The following RBFOX3 variants were observed in gnomAD, a reference collection of about 807,000 sequenced individuals.
RBFOX3 encodes the protein RNA binding fox-1 homolog 3.
RBFOX3 carries 17 observed loss-of-function variants against 48.7 expected under a neutral mutation model. The observed-to-expected ratio is 0.35, with a 90% CI of 0.24 to 0.52. The LOEUF (loss-of-function observed/expected upper bound fraction) is 0.52. RBFOX3 is among the 20% of genes least tolerant of loss of function. The probability of loss-of-function intolerance (pLI) is 0.94; values close to 1 mark genes in which losing one functional copy is unlikely to be tolerated. For missense variants in RBFOX3, 382 were observed against 497.5 expected (o/e 0.77, Z 2.21); for synonymous variants, 212 against 209.5 (o/e 1.01, Z -0.10).
rs371568555 is a variant in RBFOX3, at chr17:79,476,998, C to T, written c.-175+5456G>A. ...CTGTAACCCCAGCACTTTGGGAGGCCTAGGTGGGTGGATCACTTGAGGTCA... is the reference window on the plus strand; with the variant it reads ...CTGTAACCCCAGCACTTTGGGAGGCTTAGGTGGGTGGATCACTTGAGGTCA... On this transcript the variant is annotated intron_variant, in intron 2 of 14. Coordinates refer to ENST00000693108, the MANE Select transcript of RBFOX3 (RefSeq NM_001350451.2). Among the ~76,000 whole-genome samples the T allele has an allele frequency of 3.9e-5, 6 of 152,018 alleles. No homozygotes were observed. In the East Asian group the frequency reaches 5.8e-4, roughly 15 times the overall value.
Position 79,423,372 on chromosome 17 carries a change from C to T in RBFOX3, c.-175+59082G>A, listed in dbSNP as rs1017101415. On this transcript the variant is annotated intron_variant, in intron 2 of 14. Coordinates refer to ENST00000693108, the MANE Select transcript of RBFOX3 (RefSeq NM_001350451.2). The surrounding 1 kb of genome is among the most constrained non-coding windows in gnomAD (Gnocchi z 4.9). ...CTTGTGCAGATCCTGCCGCACAGAC[C>T]CCAACCCTACCTCCAGTGTGGTCCG... is the stretch of plus-strand genomic sequence containing the variant. 4.6e-5 allele frequency among the ~76,000 whole-genome samples: 7 copies of T among 152,134 alleles called. No individual in the cohort carries two copies. Among genetic ancestry groups the T allele is most frequent in the African/African-American group, 1.4e-4 (6 of 41,416 alleles).
the RBFOX3 span, among the ~76,000 whole-genome samples, chr17:79,619,438 G>T: frequency 6.6e-6 from 1 of 152,174 alleles, no homozygotes; most frequent in African/African-American, 2.4e-5. Context: ...GCAATCCCAG[G>T]TACTCCGGGG....
At chr17:79,552,624 T>C (rs1156281967) in intron 1 of RBFOX3, among the ~76,000 whole-genome samples, 17 of 152,188 alleles carry the variant, frequency 1.1e-4, no homozygotes, top group African/African-American at 4.1e-4. Context: ...TCTTGAATTA[T>C]AATGATTCCA....
chr17:79,104,015 T>G (rs2076927599), intron 7 of RBFOX3, 58 bp downstream of exon 7: 3 of 1,441,668 alleles, frequency 2.1e-6, no homozygotes, highest in Non-Finnish European at 2.9e-6. Context: ...ATTTCACACG[T>G]TAGCCTGGCG....
rs138984353 is a variant in RBFOX3, at chr17:79,477,257, T to TAAAAAAA, written c.-175+5190_-175+5196dup. Among the ~76,000 whole-genome samples the TAAAAAAA allele has an allele frequency of 8.8e-6, 1 of 113,346 alleles. No individual in the cohort carries two copies. Among genetic ancestry groups the TAAAAAAA allele is most frequent in the African/African-American group, 3.5e-5 (1 of 28,560 alleles). 74.4% of individuals were successfully genotyped at this position (113,346 alleles called of 152,430 possible). On this transcript the variant is annotated intron_variant, in intron 2 of 14. Coordinates refer to ENST00000693108, the MANE Select transcript of RBFOX3 (RefSeq NM_001350451.2). This position sits in a 1 kb window ranked among gnomAD's most constrained non-coding sequence, Gnocchi z 4.8. ...CAAAAAAAAATAAATAAAGATAAAT[T>TAAAAAAA]AAAAAAAAAAAAAAAAAAAGAGGGC...
At chr17:79,118,466 G>A (rs2034719556) in intron 4 of RBFOX3, among the ~76,000 whole-genome samples, 1 of 152,080 alleles carries the variant, frequency 6.6e-6, no homozygotes, top group Non-Finnish European at 1.5e-5. Flanking sequence ...GGAGAGTCAG[G>A]GCACCCAGGA....
rs2068076751 is a variant in RBFOX3, at chr17:79,429,771, C to G, written c.-175+52683G>C. On this transcript the variant is annotated intron_variant, in intron 2 of 14. Coordinates refer to ENST00000693108, the MANE Select transcript of RBFOX3 (RefSeq NM_001350451.2). Reference sequence around the variant, plus strand: ...GGCCACATGCTTCCTGAGTGAGATCCAGGATCTGATGCCAGCTGCGTTGGG... The same window carrying G: ...GGCCACATGCTTCCTGAGTGAGATCGAGGATCTGATGCCAGCTGCGTTGGG... 2.6e-5 allele frequency among the ~76,000 whole-genome samples: 4 copies of G among 152,282 alleles called. No homozygotes were observed. The South Asian group carries it at 8.3e-4, about 32-fold the overall frequency.
chr17:79,332,695 CAG>C (rs113874902), intron 2 of RBFOX3, among the ~76,000 whole-genome samples: 31,669 of 126,156 alleles, frequency 0.25, 3,994 homozygotes, highest in Non-Finnish European at 0.33. Context: ...GAGACGGAGA[CAG>C]AGAGAGAGAG....
chr17:79,091,915 C>G (rs1008816695), intron 14 of RBFOX3: 4 of 970,384 alleles, frequency 4.1e-6, no homozygotes, highest in Admixed American at 1.2e-4. Flanking sequence ...TTGCACACCA[C>G]GCGACACGCT....
chr17:79,150,077 G>GGGGTGTGC (rs2044078988), intron 4 of RBFOX3, among the ~76,000 whole-genome samples: 1 of 50,032 alleles, frequency 2.0e-5, no homozygotes, highest in South Asian at 7.1e-4. Context: ...TGGGGGTTTG[G>GGGGTGTGC]GGTGGATCTA....
At chr17:79,113,243 T>C (rs567630005) in intron 5 of RBFOX3, among the ~76,000 whole-genome samples, 2 of 152,148 alleles carry the variant, frequency 1.3e-5, no homozygotes, top group African/African-American at 4.8e-5. Flanking sequence ...AAGGAGCTCC[T>C]GGAATCTAGA....
intron 2 of RBFOX3, among the ~76,000 whole-genome samples, chr17:79,348,505 G>C (rs1431008790): frequency 6.8e-6 from 1 of 148,010 alleles, no homozygotes; most frequent in Admixed American, 6.7e-5. Context: ...CTAGGGGTGA[G>C]TTTGGAGCAA....
Position 79,106,665 on chromosome 17 carries a change from G to T in RBFOX3, c.346C>A (p.Arg116=). ...IPFRFRDPDL[R]QMFGQFGKIL... is the part of the protein sequence containing the mutation. ...CGCACACTCACCCCGAACATTTGCC[G>T]CAAGTCGGGGTCCCTGAACCGGAAG... The change falls in exon 6 of 15, where the codon CGG becomes AGG. Residue 116 remains arginine (R), a synonymous_variant. Coordinates refer to ENST00000693108, the MANE Select transcript of RBFOX3 (RefSeq NM_001350451.2). 6.7e-7 allele frequency: 1 copy of T among 1,481,656 alleles called. No homozygotes were observed. The highest frequency in any genetic ancestry group is 8.9e-7 in the Non-Finnish European group (1 of 1,119,970). 91.8% of individuals were successfully genotyped at this position (1,481,656 alleles called of 1,614,324 possible).
Position 79,097,731 on chromosome 17 carries a change from G to A in RBFOX3, c.583C>T (p.Pro195Ser). 1 of 1,551,254 alleles carries A rather than the reference G, an allele frequency of 6.4e-7. No homozygotes were observed. Among genetic ancestry groups the A allele is most frequent in the Non-Finnish European group, 8.7e-7 (1 of 1,146,816 alleles). ...NPYTNGWKLN[P>S]VVGAVYGPEF... ...GGCCCGTAGACTGCGCCGACCACTG[G>A]ATTTAGCTTCCAGCCTAAAACAAAG... Residue 195 changes from proline (P) to serine (S), a missense_variant, in exon 10 of 15, where the codon CCA (proline) becomes TCA (serine). Pro to Ser is a moderately conservative substitution (Grantham distance 74). Coordinates refer to ENST00000693108, the MANE Select transcript of RBFOX3 (RefSeq NM_001350451.2).
At chr17:79,317,196 A>G (rs1348204974) in intron 2 of RBFOX3, among the ~76,000 whole-genome samples, 1 of 152,236 alleles carries the variant, frequency 6.6e-6, no homozygotes, top group Non-Finnish European at 1.5e-5. Context: ...CCACACAGTC[A>G]GCATATGGCC....
intron 4 of RBFOX3, among the ~76,000 whole-genome samples, chr17:79,193,536 A>G (rs2054949951): frequency 6.6e-6 from 1 of 152,138 alleles, no homozygotes; most frequent in African/African-American, 2.4e-5. Flanking sequence ...CTATCCACTT[A>G]AAAATATTGT....
chr17:79,428,225 C>A (rs1555726609), intron 2 of RBFOX3, among the ~76,000 whole-genome samples: 5 of 152,250 alleles, frequency 3.3e-5, no homozygotes. Flanking sequence ...ACCCTCCCAT[C>A]TCCACAGTCA....
rs1237501141 is a variant in RBFOX3 at position 79,611,011 on chromosome 17, G to C, written c.-505C>G. Among the ~76,000 whole-genome samples the C allele has an allele frequency of 6.6e-6, 1 of 151,292 alleles. No individual in the cohort carries two copies. Among genetic ancestry groups the C allele is most frequent in the Non-Finnish European group, 1.5e-5 (1 of 67,648 alleles). The stretch of plus-strand genomic sequence containing the variant: ...TGCTTCTCCTCCGACCACGCGAGCT[G>C]CTGGGGCCCGGCTGGGGCCGCTGTC... On this transcript the variant is annotated 5_prime_UTR_variant, in exon 1 of 15. Transcript: ENST00000693108.
At chr17:79,587,710 T>C (rs2093297017) in intron 1 of RBFOX3, among the ~76,000 whole-genome samples, 1 of 152,070 alleles carries the variant, frequency 6.6e-6, no homozygotes, top group African/African-American at 2.4e-5. Context: ...AGGGAGCAGG[T>C]ATGTAACCAG....
Sources: allele counts gnomAD v4.1 joint callset (sites outside exome capture counted in the v4.1 genomes callset), GRCh38; gene constraint gnomAD v4.1.1; non-coding constraint Gnocchi (gnomAD v3.1); transcripts MANE v1.5; gene names NCBI Gene and HGNC (gene_info 2026-07-23, HGNC 2026-07-21).